SHB: variants seen among roughly 807,000 people sequenced by gnomAD.
The protein encoded by SHB is SH2 domain containing adaptor protein B, also known as SH2 domain-containing adapter protein B.
Under a neutral mutation model 52.3 loss-of-function variants are expected in SHB, and 20 were observed. That is an observed-to-expected ratio of 0.38 (90% CI 0.27 to 0.56). The LOEUF is 0.56. SHB is among the 20% of genes least tolerant of loss of function. The probability of loss-of-function intolerance (pLI) is 0.71; values close to 1 mark genes in which losing one functional copy is unlikely to be tolerated. For synonymous variants in SHB, 397 were observed against 316.5 expected, an observed-to-expected ratio of 1.25 and a Z score of -2.70; for missense variants, 825 against 723.3, an observed-to-expected ratio of 1.14 and a Z score of -1.61.
Position 37,969,871 on chromosome 9 carries a change from G to T in SHB, c.1054+4751C>A, listed in dbSNP as rs113995343. ...AGGGGGTGCCACATAGGCCTCGTGT[G>T]GGCCCAAGCTGCACCTGGCGGGGGT... On this transcript the variant is annotated intron_variant, in intron 3 of 5. Coordinates refer to ENST00000377707, the MANE Select transcript of SHB (RefSeq NM_003028.3). Among the ~76,000 whole-genome samples the T allele has an allele frequency of 8.0e-3, 1,214 of 152,346 alleles. 13 individuals are homozygous for T. The highest frequency in any genetic ancestry group is 0.027 in the African/African-American group (1,140 of 41,580).
chr9:37,938,583 G>A (rs778599993), intron 5 of SHB, among the ~76,000 whole-genome samples: 3 of 152,264 alleles, frequency 2.0e-5, no homozygotes, highest in Admixed American at 6.5e-5. Flanking sequence ...CAGACGGGCA[G>A]TTGGAATGCT....
intron 2 of SHB, among the ~76,000 whole-genome samples, chr9:37,976,080 G>C (rs748637457): frequency 3.3e-5 from 5 of 152,112 alleles, no homozygotes; most frequent in Non-Finnish European, 7.4e-5. Flanking sequence ...CTGTTACCCA[G>C]GCTGGAGTGC....
intron 2 of SHB, among the ~76,000 whole-genome samples, chr9:38,012,343 G>A (rs1049063219): frequency 2.0e-5 from 3 of 152,166 alleles, no homozygotes; most frequent in Non-Finnish European, 4.4e-5. Context: ...CAGCTGGGAC[G>A]TCTTGGGCTA....
intron 1 of SHB, among the ~76,000 whole-genome samples, chr9:38,022,533 A>AAAT (rs1821293591): frequency 6.6e-6 from 1 of 152,138 alleles, no homozygotes; most frequent in South Asian, 2.1e-4. Context: ...GAAGGTGAGC[A>AAAT]AATAGCATTT....
intron 5 of SHB, among the ~76,000 whole-genome samples, chr9:37,932,205 C>A (rs1437060200): frequency 6.7e-6 from 1 of 149,646 alleles, no homozygotes; most frequent in Non-Finnish European, 1.5e-5. Flanking sequence ...TCACTTGAAC[C>A]CAGGAGGCAG....
chr9:38,027,181 G>C (rs1443271872), intron 1 of SHB, among the ~76,000 whole-genome samples: 2 of 152,148 alleles, frequency 1.3e-5, no homozygotes, highest in South Asian at 2.1e-4. Flanking sequence ...AGGTGTGCTG[G>C]GCTGAAACCA....
intron 1 of SHB, among the ~76,000 whole-genome samples, chr9:38,044,933 G>A (rs1821631046): frequency 6.6e-6 from 1 of 152,210 alleles, no homozygotes; most frequent in Admixed American, 6.5e-5. Context: ...GAGGAGGGAG[G>A]GGTGGGAGGT....
At chr9:37,973,932 C>T (rs1275456454) in intron 3 of SHB, among the ~76,000 whole-genome samples, 1 of 152,210 alleles carries the variant, frequency 6.6e-6, no homozygotes, top group Non-Finnish European at 1.5e-5. Flanking sequence ...CACTGGGTTC[C>T]TCTTACCTTC....
At chr9:38,019,102 T>C (rs901601275) in intron 1 of SHB, among the ~76,000 whole-genome samples, 3 of 152,192 alleles carry the variant, frequency 2.0e-5, no homozygotes, top group African/African-American at 7.2e-5. Flanking sequence ...GGCAGAGACC[T>C]GGCAGCCACA....
intron 4 of SHB, among the ~76,000 whole-genome samples, chr9:37,954,970 G>T (rs918543097): frequency 6.6e-6 from 1 of 152,086 alleles, no homozygotes; most frequent in African/African-American, 2.4e-5. Context: ...GGGACCTTGG[G>T]GGCAGCATGG....
chr9:37,981,499 T>C (rs961115753), intron 2 of SHB, among the ~76,000 whole-genome samples: 6 of 103,710 alleles, frequency 5.8e-5, no homozygotes, highest in African/African-American at 2.6e-4. Flanking sequence ...CCAAACTCTC[T>C]CTCTAATAGC....
In SHB at chr9:37,952,389, G is replaced by A. The variant is rs12005339; in HGVS notation, c.1226+3494C>T. ...TGCAAAGGTCCTGAGGTAGGAATGC[G>A]CTTGCAGTGCTCACAGAGCAGAAAG... On this transcript the variant is annotated intron_variant, in intron 4 of 5. Transcript: ENST00000377707. Among the ~76,000 whole-genome samples the A allele has an allele frequency of 3.8e-3, 575 of 152,318 alleles. 8 individuals are homozygous for A. The highest frequency in any genetic ancestry group is 0.013 in the African/African-American group (544 of 41,578).
At chr9:38,060,135 C>T (rs968281120) in intron 1 of SHB, among the ~76,000 whole-genome samples, 4 of 152,162 alleles carry the variant, frequency 2.6e-5, no homozygotes, top group African/African-American at 9.6e-5. Flanking sequence ...TCTGGCTTCA[C>T]ATCTCATCTC....
chr9:37,999,387 T>G (rs1267093449), intron 2 of SHB, among the ~76,000 whole-genome samples: 1 of 152,170 alleles, frequency 6.6e-6, no homozygotes, highest in African/African-American at 2.4e-5. Context: ...GACCAGGAGC[T>G]CAAATGGCTG....
intron 2 of SHB, among the ~76,000 whole-genome samples, chr9:37,995,563 G>C (rs533121716): frequency 4.1e-4 from 62 of 152,296 alleles, no homozygotes; most frequent in African/African-American, 1.4e-3. Flanking sequence ...AGGCCCTACT[G>C]AATCTTGCAT....
Position 37,990,779 on chromosome 9 carries a change from A to G in SHB, c.839-15942T>C, listed in dbSNP as rs542651582. ...CTAGGAATAACCTACAAGTCTATGA[A>G]CAGGAAAACAACTGAACACATCACG... is the stretch of plus-strand genomic sequence containing the variant. On this transcript the variant is annotated intron_variant, in intron 2 of 5. Transcript: ENST00000377707. Among the ~76,000 whole-genome samples the G allele has an allele frequency of 9.2e-5, 14 of 152,358 alleles. No homozygotes were observed. The South Asian group carries it at 1.7e-3, about 18-fold the overall frequency.
At chr9:38,041,578 C>T (rs1225098296) in intron 1 of SHB, among the ~76,000 whole-genome samples, 4 of 147,172 alleles carry the variant, frequency 2.7e-5, no homozygotes, top group African/African-American at 5.1e-5. Context: ...TCGGTGAGTT[C>T]GGGGAAGAAA....
At chr9:38,028,873 C>T (rs1235956368) in intron 1 of SHB, among the ~76,000 whole-genome samples, 1 of 152,230 alleles carries the variant, frequency 6.6e-6, no homozygotes, top group Non-Finnish European at 1.5e-5. Flanking sequence ...TGCATGCTCT[C>T]TGCCTCCCTG....
intron 3 of SHB, among the ~76,000 whole-genome samples, chr9:37,959,643 G>T (rs1832672883): frequency 6.6e-6 from 1 of 152,182 alleles, no homozygotes; most frequent in Non-Finnish European, 1.5e-5. Flanking sequence ...CACAGAACAT[G>T]ATTGTGGAGG....
Sources: gnomAD v4.1 joint callset for allele counts (sites outside exome capture counted in the v4.1 genomes callset) on GRCh38, gnomAD v4.1.1 for gene constraint, MANE v1.5 for transcripts, NCBI Gene and HGNC (gene_info 2026-07-23, HGNC 2026-07-21) for gene names.